The following GPC5 variants were observed in gnomAD, a reference collection of about 807,000 sequenced individuals.
GPC5 encodes the protein glypican 5.
GPC5 carries 47 observed loss-of-function variants against 53.9 expected under a neutral mutation model. The ratio of observed to expected loss-of-function variants is 0.87; its 90% CI spans 0.69 to 1.11. GPC5 has a LOEUF of 1.11. GPC5 is among the 50% of genes most tolerant of loss of function. The pLI, the probability that GPC5 is intolerant of heterozygous loss-of-function variation, is 0.00. For synonymous variants in GPC5, 286 were observed against 263.3 expected, an observed-to-expected ratio of 1.09 and a Z score of -0.84; for missense variants, 748 against 713.1, an observed-to-expected ratio of 1.05 and a Z score of -0.56.
intron 3 of GPC5, among the ~76,000 whole-genome samples, chr13:91,705,254 G>A (rs2036074352): frequency 6.6e-6 from 1 of 152,196 alleles, no homozygotes; most frequent in African/African-American, 2.4e-5. Context: ...TCGTGAATCA[G>A]AAAGGCTGGC....
At chr13:91,478,693 A>G (rs898428110) in intron 2 of GPC5, among the ~76,000 whole-genome samples, 1 of 149,464 alleles carries the variant, frequency 6.7e-6, no homozygotes, top group Non-Finnish European at 1.5e-5. Flanking sequence ...AGAGCATAAC[A>G]ACATAATAGA....
At chr13:92,520,782 C>T (rs1001131992) in intron 7 of GPC5, among the ~76,000 whole-genome samples, 1 of 151,630 alleles carries the variant, frequency 6.6e-6, no homozygotes, top group Non-Finnish European at 1.5e-5. Context: ...TCTGGCCAGG[C>T]CAATCAAGCA....
chr13:91,862,564 A>G (rs2039041506), intron 5 of GPC5, among the ~76,000 whole-genome samples: 2 of 152,172 alleles, frequency 1.3e-5, no homozygotes, highest in Admixed American at 1.3e-4. Flanking sequence ...GTTGAAACAC[A>G]CTGCTTTTGT....
At chr13:91,761,979 C>G (rs552982293) in intron 5 of GPC5, among the ~76,000 whole-genome samples, 1 of 152,246 alleles carries the variant, frequency 6.6e-6, no homozygotes, top group South Asian at 2.1e-4. Flanking sequence ...TTGGAGATTC[C>G]AAGGATTTTA....
At chr13:91,671,807 G>GAAAAAAAAAAAAAAAAAAAAAAA (rs1207604916) in intron 2 of GPC5, among the ~76,000 whole-genome samples, 2 of 54,678 alleles carry the variant, frequency 3.7e-5, no homozygotes, top group Non-Finnish European at 7.2e-5. Flanking sequence ...AAAAAAAAAC[G>GAAAAAAAAAAAAAAAAAAAAAAA]AAACTGGAGG....
intron 7 of GPC5, among the ~76,000 whole-genome samples, chr13:92,194,155 C>T (rs2042242060): frequency 6.6e-6 from 1 of 152,134 alleles, no homozygotes. Flanking sequence ...CTCATAACAA[C>T]CTTATGAAGT....
At chr13:92,329,697 T>C (rs1566541536) in intron 7 of GPC5, among the ~76,000 whole-genome samples, 1 of 152,184 alleles carries the variant, frequency 6.6e-6, no homozygotes, top group Non-Finnish European at 1.5e-5. Context: ...ATTCATTCAC[T>C]TTAATTTGAG....
chr13:92,317,469 GT>G (rs1008092963), intron 7 of GPC5, among the ~76,000 whole-genome samples: 10 of 149,360 alleles, frequency 6.7e-5, no homozygotes, highest in Admixed American at 2.0e-4. Context: ...TACCTTTTCC[GT>G]TTTTTTGTTT....
chr13:92,838,029 G>C (rs1230816455), intron 7 of GPC5, among the ~76,000 whole-genome samples: 1 of 151,734 alleles, frequency 6.6e-6, no homozygotes, highest in Non-Finnish European at 1.5e-5. Context: ...TGGAAGCCAA[G>C]ATCGTGCCAT....
chr13:92,556,239 A>C (rs1882489043), intron 7 of GPC5, among the ~76,000 whole-genome samples: 1 of 151,816 alleles, frequency 6.6e-6, no homozygotes, highest in Admixed American at 6.6e-5. Context: ...CTGTAAAACA[A>C]TGTATACATC....
intron 7 of GPC5, among the ~76,000 whole-genome samples, chr13:92,651,184 T>C (rs561510415): frequency 6.6e-4 from 101 of 152,022 alleles, no homozygotes; most frequent in African/African-American, 2.3e-3. Flanking sequence ...TATATGTATA[T>C]CTATCCTATT....
intron 5 of GPC5, among the ~76,000 whole-genome samples, chr13:91,903,765 A>T (rs987062649): frequency 6.6e-6 from 1 of 152,136 alleles, no homozygotes; most frequent in African/African-American, 2.4e-5. Flanking sequence ...ATTATAATAC[A>T]TTTTATCTAA....
At chr13:92,149,641 G>T (rs895584885) in intron 7 of GPC5, among the ~76,000 whole-genome samples, 1 of 151,948 alleles carries the variant, frequency 6.6e-6, no homozygotes, top group Non-Finnish European at 1.5e-5. Flanking sequence ...TTTACTAGCC[G>T]CTGAAGAATA....
At chr13:92,580,941 T>A in intron 7 of GPC5, among the ~76,000 whole-genome samples, 1 of 152,184 alleles carries the variant, frequency 6.6e-6, no homozygotes. Flanking sequence ...CAAAGTTACC[T>A]TTTTTAATTG....
intron 2 of GPC5, among the ~76,000 whole-genome samples, chr13:91,514,061 G>A (rs1165174037): frequency 6.6e-6 from 1 of 152,154 alleles, no homozygotes; most frequent in Non-Finnish European, 1.5e-5. Context: ...AAAGCCATCT[G>A]GGTTGTTTCT....
intron 5 of GPC5, among the ~76,000 whole-genome samples, chr13:91,849,994 A>T (rs1362220148): frequency 2.6e-5 from 4 of 152,188 alleles, no homozygotes; most frequent in Non-Finnish European, 5.9e-5. Context: ...GCAGGTATTG[A>T]GATTTCTTTC....
chr13:92,787,457 T>C lies in GPC5; in HGVS notation c.1562-78825T>C, dbSNP rs539156973. On this transcript the variant is annotated intron_variant, in intron 7 of 7. Coordinates refer to ENST00000377067, the MANE Select transcript of GPC5 (RefSeq NM_004466.6). ...AAGTAAAAATAAAATTAAATGTTTATGATTAAACTTACTTCGTTTCAGTCA... is the reference window on the plus strand; with the variant it reads ...AAGTAAAAATAAAATTAAATGTTTACGATTAAACTTACTTCGTTTCAGTCA... 2.0e-5 allele frequency among the ~76,000 whole-genome samples: 3 copies of C among 151,892 alleles called. No homozygotes were observed. In the South Asian group the frequency reaches 6.2e-4, roughly 31 times the overall value.
At position 92,506,852 on chromosome 13, in the gene GPC5, T is replaced by A. The variant is rs191420021; in HGVS notation, c.1562-359430T>A. Among the ~76,000 whole-genome samples, 149 of 152,288 alleles carry A rather than the reference T, an allele frequency of 9.8e-4. 1 individual carries two copies. Among genetic ancestry groups the A allele is most frequent in the African/African-American group, 3.4e-3 (143 of 41,550 alleles). On this transcript the variant is annotated intron_variant, in intron 7 of 7. Coordinates refer to ENST00000377067, the MANE Select transcript of GPC5 (RefSeq NM_004466.6). ...AAATTTCTGGAAACAAATGAAAAAT[T>A]GTGTTATGAAAAGAATATGATTCTA...
rs1224848274 is a variant in GPC5 at position 91,404,041 on chromosome 13, G to T, written c.163+4832G>T. On this transcript the variant is annotated intron_variant, in intron 1 of 7. Transcript: ENST00000377067. ...GAGGGGTACAACTTGAGGAATTTAAGAATAATATTTTCCACTTATCACCCC... is the reference window on the plus strand; with the variant it reads ...GAGGGGTACAACTTGAGGAATTTAATAATAATATTTTCCACTTATCACCCC... 3.9e-5 allele frequency among the ~76,000 whole-genome samples: 6 copies of T among 152,108 alleles called. No individual in the cohort carries two copies. The South Asian group carries it at 6.2e-4, about 16-fold the overall frequency.
Sources: allele counts gnomAD v4.1 joint callset (sites outside exome capture counted in the v4.1 genomes callset), GRCh38; gene constraint gnomAD v4.1.1; transcripts MANE v1.5; gene names NCBI Gene and HGNC (gene_info 2026-07-23, HGNC 2026-07-21).